AR: variants seen among roughly 807,000 people sequenced by gnomAD.
The protein encoded by AR is dihydrotestosterone receptor.
AR carries 8 observed loss-of-function variants against 53.9 expected under a neutral mutation model. The observed-to-expected ratio is 0.15, with a 90% confidence interval of 0.09 to 0.27. AR has a LOEUF of 0.27. Among genes scored for constraint, AR ranks in the 10% least tolerant of loss-of-function variants. AR has a pLI of 1.00. For missense variants in AR, 639 were observed against 742.5 expected (o/e 0.86, Z 1.62); for synonymous variants, 359 against 316.4 (o/e 1.13, Z -1.43).
chrX:67,587,031 A>T (rs1349726684), intron 1 of AR, among the ~76,000 whole-genome samples: 3 of 112,424 alleles, frequency 2.7e-5, no homozygotes, highest in Non-Finnish European at 5.6e-5. Flanking sequence ...GTCATATTTA[A>T]TAATCAGGAT....
chrX:67,587,967 A>C (rs1241465806), intron 1 of AR, among the ~76,000 whole-genome samples: 1 of 109,256 alleles, frequency 9.2e-6, no homozygotes. Context: ...TCCATGTTGA[A>C]ATGCACTGCT....
At chrX:67,597,530 T>C (rs892737213) in intron 1 of AR, among the ~76,000 whole-genome samples, 21 of 112,108 alleles carry the variant, frequency 1.9e-4, no homozygotes, top group Non-Finnish European at 3.8e-4. Flanking sequence ...CTTGAAGTTT[T>C]TCACCACAAC....
chrX:67,645,714 A>T (rs1033730120), intron 2 of AR, among the ~76,000 whole-genome samples: 2 of 110,532 alleles, frequency 1.8e-5, no homozygotes, highest in Admixed American at 9.7e-5. Context: ...AGGTAGGAGA[A>T]GGTGGTTTAG....
At chrX:67,711,283 A>C (rs1041545876) in intron 3 of AR, 119 bp from the exon 4 acceptor site, 3 of 793,818 alleles carry the variant, frequency 3.8e-6, no homozygotes, top group Non-Finnish European at 5.5e-6. Flanking sequence ...AGGAGTTTAG[A>C]GTCTGTGACC....
intron 1 of AR, among the ~76,000 whole-genome samples, chrX:67,574,541 C>G (rs746865899): frequency 1.8e-5 from 2 of 111,279 alleles, no homozygotes; most frequent in Non-Finnish European, 3.8e-5. Flanking sequence ...CAATGACTGC[C>G]ATCATATCTG....
At chrX:67,655,364 A>G (rs1462259310) in intron 2 of AR, among the ~76,000 whole-genome samples, 1 of 111,396 alleles carries the variant, frequency 9.0e-6, no homozygotes, top group Admixed American at 9.6e-5. Context: ...TTCTTCTGCC[A>G]TCCCACCTGT....
intron 5 of AR, among the ~76,000 whole-genome samples, chrX:67,719,860 A>G (rs1455906002): frequency 3.6e-5 from 4 of 111,615 alleles, no homozygotes; most frequent in South Asian, 3.8e-4. Flanking sequence ...CCTCAGACCC[A>G]AAGAGAGAGA....
rs761632099 is a variant in AR, at chrX:67,729,415, T to G, written c.*5574T>G. The G allele has an allele frequency of 5.8e-6, 1 of 173,615 alleles. No homozygotes were observed. Among genetic ancestry groups the G allele is most frequent in the African/African-American group, 2.9e-5 (1 of 33,940 alleles). 14.3% of individuals were successfully genotyped at this position (173,615 alleles called of 1,213,427 possible). On this transcript the variant is annotated 3_prime_UTR_variant, in exon 8 of 8. Coordinates refer to ENST00000374690, the MANE Select transcript of AR (RefSeq NM_000044.6). ...AGCTGAGATAACAAATCTTTTGGAA[T>G]TTTTTCACCCATAGAAAGAGTGGTA...
intron 1 of AR, among the ~76,000 whole-genome samples, chrX:67,612,056 A>G (rs1407780952): frequency 8.9e-6 from 1 of 112,561 alleles, no homozygotes; most frequent in African/African-American, 3.2e-5. Flanking sequence ...ATTTAGTTAA[A>G]CAAATGTGCA....
chrX:67,694,888 G>A (rs1249261994), intron 3 of AR: 10 of 1,050,930 alleles, frequency 9.5e-6, no homozygotes, highest in South Asian at 2.8e-5. Flanking sequence ...TCCCTCCAGC[G>A]GGACCAATAG....
At chrX:67,614,961 C>G (rs1924045786) in intron 1 of AR, among the ~76,000 whole-genome samples, 1 of 110,004 alleles carries the variant, frequency 9.1e-6, no homozygotes, top group Non-Finnish European at 1.9e-5. Flanking sequence ...GAAAAATTCA[C>G]TAGAAAAGGT....
chrX:67,723,094 C>G, intron 7 of AR, 110 bp downstream of exon 7: 1 of 977,611 alleles, frequency 1.0e-6, no homozygotes, highest in Non-Finnish European at 1.4e-6. Flanking sequence ...TTCCATTCCC[C>G]TCTGGCTTTG....
intron 1 of AR, among the ~76,000 whole-genome samples, chrX:67,552,906 G>A (rs1407004920): frequency 9.0e-6 from 1 of 111,701 alleles, no homozygotes; most frequent in Non-Finnish European, 1.9e-5. Flanking sequence ...TGAGTTTTAA[G>A]ATTTTTAAAA....
At chrX:67,672,546 T>A (rs2075872204) in intron 2 of AR, among the ~76,000 whole-genome samples, 1 of 110,793 alleles carries the variant, frequency 9.0e-6, no homozygotes, top group African/African-American at 3.3e-5. Flanking sequence ...ACCATGAGGC[T>A]TGTACATAAT....
intron 1 of AR, among the ~76,000 whole-genome samples, chrX:67,621,205 C>T (rs926370672): frequency 2.7e-5 from 3 of 111,368 alleles, no homozygotes; most frequent in African/African-American, 9.8e-5. Flanking sequence ...CTGGTCAATT[C>T]TCTGTCTCTA....
chrX:67,716,462 G>A (rs996666878), intron 4 of AR, among the ~76,000 whole-genome samples: 1 of 112,047 alleles, frequency 8.9e-6, no homozygotes, highest in African/African-American at 3.2e-5. Flanking sequence ...AAAAGTAACT[G>A]CCTGTGCAGA....
intron 1 of AR, among the ~76,000 whole-genome samples, chrX:67,558,400 T>C (rs1024904132): frequency 8.9e-6 from 1 of 111,892 alleles, no homozygotes; most frequent in Non-Finnish European, 1.9e-5. Flanking sequence ...AGCTAGGAAG[T>C]AGCAGAACTT....
chrX:67,632,145 C>T (rs1017497492), intron 1 of AR, among the ~76,000 whole-genome samples: 6 of 113,059 alleles, frequency 5.3e-5, no homozygotes, highest in African/African-American at 1.9e-4. Flanking sequence ...GGCAGGCCTC[C>T]TTGAGCTGTG....
intron 2 of AR, among the ~76,000 whole-genome samples, chrX:67,660,745 G>C (rs1045002801): frequency 9.0e-6 from 1 of 111,507 alleles, no homozygotes; most frequent in African/African-American, 3.3e-5. Context: ...TTCCATTTCT[G>C]TGAAGAAAGT....
Sources: gnomAD v4.1 joint callset for allele counts (sites outside exome capture counted in the v4.1 genomes callset) on GRCh38, gnomAD v4.1.1 for gene constraint, MANE v1.5 for transcripts, NCBI Gene and HGNC (gene_info 2026-07-23, HGNC 2026-07-21) for gene names.